The following CD300C variants were observed in gnomAD, a reference collection of about 807,000 sequenced individuals.
CD300C encodes CD300c molecule, also known as CMRF35-like molecule 6.
CD300C carries 11 observed loss-of-function variants against 18.4 expected under a neutral mutation model. The observed-to-expected ratio is 0.60, with a 90% CI of 0.38 to 0.99. CD300C has a LOEUF of 0.99. Ranked by LOEUF, CD300C falls within the 50% of genes least tolerant of loss-of-function variation. CD300C has a pLI of 0.01. For synonymous variants in CD300C, 116 were observed against 116.3 expected (o/e 1.00, Z 0.02); for missense variants, 277 against 287.4 (o/e 0.96, Z 0.26).
chr17:74,539,978 A>C (rs1352482684), downstream of CD300C, among the ~76,000 whole-genome samples: 2 of 152,206 alleles, frequency 1.3e-5, no homozygotes, highest in East Asian at 1.9e-4. Flanking sequence ...TGAATGAATG[A>C]ATGCATGACT....
intron 2 of CD300C, 39 bp from the exon 3 acceptor site, chr17:74,543,026 T>TG: frequency 6.2e-7 from 1 of 1,611,230 alleles, no homozygotes; most frequent in East Asian, 2.2e-5. Context: ...TGACATCACA[T>TG]GGGTCTCCCA....
intron 3 of CD300C, 68 bp from the exon 4 acceptor site, chr17:74,541,804 CCT>C: frequency 6.5e-7 from 1 of 1,541,452 alleles, no homozygotes; most frequent in East Asian, 2.4e-5. Context: ...TCCACCATCC[CCT>C]GACCCTTGTG....
chr17:74,539,127 T>C (rs1908464211), downstream of CD300C, among the ~76,000 whole-genome samples: 1 of 152,138 alleles, frequency 6.6e-6, no homozygotes. Flanking sequence ...ATTCCTTGAC[T>C]CTCCCAACCC....
At chr17:74,542,409 C>T (rs1192670082) in intron 3 of CD300C, among the ~76,000 whole-genome samples, 4 of 152,164 alleles carry the variant, frequency 2.6e-5, no homozygotes, top group Non-Finnish European at 5.9e-5. Context: ...TCCACCTGGA[C>T]CCTTCTTCCT....
In CD300C at chr17:74,541,278, A is replaced by C; in HGVS notation, c.*311T>G. 3.4e-6 allele frequency: 1 copy of C among 295,112 alleles called. No homozygotes were observed. 18.3% of individuals were successfully genotyped at this position (295,112 alleles called of 1,614,324 possible). A position where few individuals can be genotyped will look rare whatever the true frequency, so the allele number is the denominator to read the frequency against. On this transcript the variant is annotated 3_prime_UTR_variant, in exon 4 of 4. Coordinates refer to ENST00000330793, the MANE Select transcript of CD300C (RefSeq NM_006678.5). ...TTCTCCCTGTGAAAACGGTGGAGGA[A>C]GCAGTGCCAGGCTCCTGGAGAAATG...
chr17:74,545,626 C>T, intron 1 of CD300C, 96 bp downstream of exon 1: 1 of 983,952 alleles, frequency 1.0e-6, no homozygotes, highest in Non-Finnish European at 1.6e-6. Context: ...CTCCCTGCCC[C>T]ACTCCCCTCT....
At chr17:74,544,098 G>T (rs1908659689) in intron 2 of CD300C, among the ~76,000 whole-genome samples, 2 of 152,180 alleles carry the variant, frequency 1.3e-5, no homozygotes, top group South Asian at 4.1e-4. Flanking sequence ...AGACAGGGCG[G>T]CATCCATGCA....
In CD300C at chr17:74,541,513, A is replaced by G; in HGVS notation, c.*76T>C. ...GGAGATGTGGAGAGAGCAGCCCGGG[A>G]GGGAGTGGTCAGGAGGTCATTCCAG... On this transcript the variant is annotated 3_prime_UTR_variant, in exon 4 of 4. Coordinates refer to ENST00000330793, the MANE Select transcript of CD300C (RefSeq NM_006678.5). 1.0e-6 allele frequency: 1 copy of G among 964,366 alleles called. No individual in the cohort carries two copies. Among genetic ancestry groups the G allele is most frequent in the Non-Finnish European group, 1.7e-6 (1 of 592,012 alleles). The allele number at this position is 964,366 out of a possible 1,614,324, so 59.7% of individuals were successfully genotyped here.
chr17:74,543,085 G>T lies in CD300C; in HGVS notation c.401-98C>A, dbSNP rs142544902. ...AATTTTCACAGACAAGGTCACCAAT[G>T]ATGTGCTGGACAGATGCCCTGCATC... On this transcript the variant is annotated intron_variant, in intron 2 of 3. Coordinates refer to ENST00000330793, the MANE Select transcript of CD300C (RefSeq NM_006678.5). The T allele has an allele frequency of 1.4e-3, 2,183 of 1,507,290 alleles. 37 individuals carry two copies. In the African/African-American group the frequency reaches 0.026, roughly 18 times the overall value. The allele number at this position is 1,507,290 out of a possible 1,614,324, so 93.4% of individuals were successfully genotyped here. A position where few individuals can be genotyped will look rare whatever the true frequency, so the allele number is the denominator to read the frequency against.
downstream of CD300C, among the ~76,000 whole-genome samples, chr17:74,539,032 C>G (rs1598135864): frequency 6.6e-6 from 1 of 152,176 alleles, no homozygotes; most frequent in Non-Finnish European, 1.5e-5. Context: ...CTGGAAAGGG[C>G]AAGGAGGCTA....
chr17:74,544,608 C>T lies in CD300C; in HGVS notation c.400+1G>A, dbSNP rs376507412. ...TGGTGCTGAGAAAAGGAGGGGCTCA[C>T]CCGGGAACACGGACACCTCAACCTC... On this transcript the variant is annotated splice_donor_variant, in intron 2 of 3. Coordinates refer to ENST00000330793, the MANE Select transcript of CD300C (RefSeq NM_006678.5). LOFTEE classifies it high-confidence loss of function. 2 of 1,607,320 alleles carry T rather than the reference C, an allele frequency of 1.2e-6. No individual in the cohort carries two copies. The highest frequency in any genetic ancestry group is 2.7e-5 in the African/African-American group (2 of 74,848).
At chr17:74,544,577 C>T (rs759256102) in intron 2 of CD300C, 32 bp downstream of exon 2, 9 of 1,585,750 alleles carry the variant, frequency 5.7e-6, no homozygotes, top group African/African-American at 1.3e-5. Context: ...TAGGCTCAGG[C>T]AGGCCTGGTG....
At position 74,545,387 on chromosome 17, in the gene CD300C, TGTGA is replaced by T. The variant is rs146236442; in HGVS notation, c.61+331_61+334del. ...CTGTGTGTGCATGTGTGTGAGACTGTGTGAGTGTGACCGTGTGTGCGTGTGAGTG... is the reference window on the plus strand; with the variant it reads ...CTGTGTGTGCATGTGTGTGAGACTGTGTGTGACCGTGTGTGCGTGTGAGTG... On this transcript the variant is annotated intron_variant, in intron 1 of 3. Transcript: ENST00000330793. 3.7e-4 allele frequency among the ~76,000 whole-genome samples: 56 copies of T among 152,126 alleles called. No homozygotes were observed. The East Asian group carries it at 6.6e-3, about 18-fold the overall frequency.
chr17:74,537,392 C>T (rs528147637), downstream of CD300C, among the ~76,000 whole-genome samples: 19 of 152,260 alleles, frequency 1.2e-4, no homozygotes, highest in South Asian at 3.9e-3. Flanking sequence ...TGGCTCACAC[C>T]TGTAATCCCA....
At position 74,545,726 on chromosome 17, in the gene CD300C, G is replaced by C. The variant is rs1174012065; in HGVS notation, c.57C>G (p.Val19=). The C allele has an allele frequency of 2.5e-6, 4 of 1,608,306 alleles. No individual in the cohort carries two copies. The highest frequency in any genetic ancestry group is 3.4e-6 in the Non-Finnish European group (4 of 1,177,880). ...WRSSALLLLL[V]PGYFPLSHPM... is the part of the protein sequence containing the mutation. ...GTCCAGGGTCGGCCCACTCACCTGG[G>C]ACAAGCAGGAGGAGCAGAGCTGAAG... is the stretch of plus-strand genomic sequence containing the variant. The change falls in exon 1 of 4, where the codon GTC becomes GTG. Residue 19 remains valine, a synonymous_variant. Transcript: ENST00000330793.
chr17:74,543,511 A>G (rs958021190), intron 2 of CD300C, among the ~76,000 whole-genome samples: 1 of 152,210 alleles, frequency 6.6e-6, no homozygotes, highest in Non-Finnish European at 1.5e-5. Context: ...ATGCCCAGGA[A>G]GAAAGATCTA....
Position 74,541,602 on chromosome 17 carries a change from C to G in CD300C, c.662G>C (p.Gly221Ala), listed in dbSNP as rs1908549955. 6.2e-7 allele frequency: 1 copy of G among 1,613,394 alleles called. No homozygotes were observed. The highest frequency in any genetic ancestry group is 8.5e-7 in the Non-Finnish European group (1 of 1,179,376). Residue 221 changes from glycine (G) to alanine (A), a missense_variant, in exon 4 of 4, where the codon GGT (glycine) becomes GCT (alanine). Gly to Ala is a moderately conservative substitution (Grantham distance 60). Coordinates refer to ENST00000330793, the MANE Select transcript of CD300C (RefSeq NM_006678.5). ...SSRSRQNWPK[G>A]ENQ is the part of the protein sequence containing the mutation. ...GGACAGCAGATGCTACTGGTTCTCACCCTTGGGCCAATTCTGCCTGCTTCT... is the reference window on the plus strand; with the variant it reads ...GGACAGCAGATGCTACTGGTTCTCAGCCTTGGGCCAATTCTGCCTGCTTCT...
Position 74,544,907 on chromosome 17 carries a change from G to A in CD300C, c.102C>T (p.Pro34=), listed in dbSNP as rs2292106. ...ACTGCACACTCAGGGATCCCCCCAC[G>A]GGGCCCGCCACGGTCATGGGGTGGC... is the stretch of plus-strand genomic sequence containing the variant. ...PLSHPMTVAG[P]VGGSLSVQCR... is the part of the protein sequence containing the mutation. Residue 34 remains proline (P), a synonymous_variant, in exon 2 of 4, where the codon CCC becomes CCT. Transcript: ENST00000330793. The A allele has an allele frequency of 2.9e-5, 47 of 1,613,568 alleles. No homozygotes were observed. Among genetic ancestry groups the A allele is most frequent in the East Asian group, 1.8e-4 (8 of 44,886 alleles).
downstream of CD300C, among the ~76,000 whole-genome samples, chr17:74,540,639 G>A (rs541503057): frequency 5.3e-5 from 8 of 152,310 alleles, no homozygotes; most frequent in South Asian, 2.1e-4. Context: ...TCATCATGGC[G>A]ACCCTGGAAC....
Sources: allele counts gnomAD v4.1 joint callset (sites outside exome capture counted in the v4.1 genomes callset), GRCh38; gene constraint gnomAD v4.1.1; transcripts MANE v1.5; gene names NCBI Gene and HGNC (gene_info 2026-07-23, HGNC 2026-07-21).